The following CAMKMT variants were observed in gnomAD, a reference collection of about 807,000 sequenced individuals.
CAMKMT encodes CaM KMT.
Under a neutral mutation model 48.0 loss-of-function variants are expected in CAMKMT, and 53 were observed. The ratio of observed to expected loss-of-function variants is 1.10; its 90% confidence interval spans 0.89 to 1.39. The LOEUF (loss-of-function observed/expected upper bound fraction) is 1.39, where lower values mean the gene tolerates loss of function less well. Ranked by LOEUF, CAMKMT falls within the 40% of genes most tolerant of loss-of-function variation. CAMKMT has a pLI of 0.00. For synonymous variants in CAMKMT, 165 were observed against 152.3 expected, an observed-to-expected ratio of 1.08 and a Z score of -0.61; for missense variants, 428 against 402.7, an observed-to-expected ratio of 1.06 and a Z score of -0.54.
chr2:44,421,203 C>G (rs1378256873), intron 3 of CAMKMT, among the ~76,000 whole-genome samples: 2 of 152,086 alleles, frequency 1.3e-5, no homozygotes, highest in Non-Finnish European at 2.9e-5. Flanking sequence ...CAATATTCTG[C>G]TATTCATTTA....
chr2:44,544,244 G>T (rs1667275478), intron 3 of CAMKMT, among the ~76,000 whole-genome samples: 1 of 152,062 alleles, frequency 6.6e-6, no homozygotes, highest in African/African-American at 2.4e-5. Context: ...GGACATTTGG[G>T]AAAGTTAGCA....
chr2:44,431,841 G>A (rs1037055448), intron 3 of CAMKMT, among the ~76,000 whole-genome samples: 1 of 152,158 alleles, frequency 6.6e-6, no homozygotes, highest in Non-Finnish European at 1.5e-5. Flanking sequence ...TGGGAAATGG[G>A]GAACTAGTCT....
chr2:44,642,766 A>T (rs1018583931), intron 3 of CAMKMT, among the ~76,000 whole-genome samples: 16 of 152,224 alleles, frequency 1.1e-4, no homozygotes, highest in Admixed American at 2.6e-4. Flanking sequence ...TTCCCAGAGC[A>T]TAAAAAGAAG....
intron 3 of CAMKMT, among the ~76,000 whole-genome samples, chr2:44,523,770 ATTTTTTTTTT>A (rs70937920): frequency 1.1e-5 from 1 of 89,880 alleles, no homozygotes; most frequent in African/African-American, 4.3e-5. Flanking sequence ...GAGAGCGAGC[ATTTTTTTTTT>A]TTTTTTTTTT....
At chr2:44,704,721 ACTTCTG>A (rs1677455829) in intron 4 of CAMKMT, among the ~76,000 whole-genome samples, 1 of 151,768 alleles carries the variant, frequency 6.6e-6, no homozygotes, top group Admixed American at 6.6e-5. Flanking sequence ...CATTCTTTAA[ACTTCTG>A]CTGGGGAAGT....
At chr2:44,709,457 G>A (rs942829258) in intron 6 of CAMKMT, among the ~76,000 whole-genome samples, 1 of 152,018 alleles carries the variant, frequency 6.6e-6, no homozygotes, top group Non-Finnish European at 1.5e-5. Flanking sequence ...GTTGTAACCA[G>A]ATCTAATTTT....
rs1034911271 is a variant in CAMKMT at position 44,540,879 on chromosome 2, A to G, written c.376+150574A>G. On this transcript the variant is annotated intron_variant, in intron 3 of 10. Coordinates refer to ENST00000378494, the MANE Select transcript of CAMKMT (RefSeq NM_024766.5). ...ATATGTGGATCTGTGATCCATTTGA[A>G]GTTTATTCTTATGCATGATGTAAGA... Among the ~76,000 whole-genome samples the G allele has an allele frequency of 2.6e-5, 4 of 152,224 alleles. No homozygotes were observed. In the South Asian group the frequency reaches 8.3e-4, roughly 31 times the overall value.
chr2:44,370,756 A>G (rs1176780909), intron 1 of CAMKMT, among the ~76,000 whole-genome samples: 2 of 152,166 alleles, frequency 1.3e-5, no homozygotes, highest in Non-Finnish European at 2.9e-5. Context: ...ATTTAGCTGC[A>G]TGTCATATGT....
At chr2:44,364,191 C>G (rs969422043) in intron 1 of CAMKMT, among the ~76,000 whole-genome samples, 3 of 152,030 alleles carry the variant, frequency 2.0e-5, no homozygotes, top group African/African-American at 7.3e-5. Flanking sequence ...CACTTATGTT[C>G]ATTCTAAATT....
At chr2:44,369,179 T>TG (rs1678917399) in intron 1 of CAMKMT, among the ~76,000 whole-genome samples, 1 of 152,156 alleles carries the variant, frequency 6.6e-6, no homozygotes, top group Non-Finnish European at 1.5e-5. Flanking sequence ...CCACCATGCC[T>TG]GAACAAGACC....
chr2:44,674,296 A>T (rs190403838), intron 3 of CAMKMT, among the ~76,000 whole-genome samples: 17 of 152,316 alleles, frequency 1.1e-4, no homozygotes, highest in African/African-American at 3.8e-4. Flanking sequence ...TTGCATTTGT[A>T]TTTTGATATT....
At chr2:44,713,888 G>T (rs896687758) in intron 6 of CAMKMT, among the ~76,000 whole-genome samples, 3 of 152,116 alleles carry the variant, frequency 2.0e-5, no homozygotes, top group African/African-American at 7.2e-5. Context: ...CAGGAAATTT[G>T]TTTTTCTGAG....
chr2:44,581,046 A>AG (rs1021295278), intron 3 of CAMKMT, among the ~76,000 whole-genome samples: 3 of 152,134 alleles, frequency 2.0e-5, no homozygotes, highest in African/African-American at 7.2e-5. Flanking sequence ...TTATTATAAA[A>AG]GATAAATGCC....
intron 3 of CAMKMT, among the ~76,000 whole-genome samples, chr2:44,483,796 A>T (rs1212275048): frequency 6.6e-6 from 1 of 152,184 alleles, no homozygotes; most frequent in Admixed American, 6.5e-5. Flanking sequence ...GCATTGTAAA[A>T]TTCTAGCAAA....
intron 3 of CAMKMT, among the ~76,000 whole-genome samples, chr2:44,483,354 T>G (rs1669066484): frequency 6.6e-6 from 1 of 152,194 alleles, no homozygotes; most frequent in Non-Finnish European, 1.5e-5. Context: ...TTACTATTTT[T>G]GAGGTATAGG....
At chr2:44,421,188 G>A (rs1683914249) in intron 3 of CAMKMT, among the ~76,000 whole-genome samples, 1 of 152,054 alleles carries the variant, frequency 6.6e-6, no homozygotes, top group Non-Finnish European at 1.5e-5. Flanking sequence ...CCTCAGAATG[G>A]TTTACAATAT....
chr2:44,440,685 A>T (rs1666598748), intron 3 of CAMKMT, among the ~76,000 whole-genome samples: 1 of 152,170 alleles, frequency 6.6e-6, no homozygotes, highest in African/African-American at 2.4e-5. Context: ...GACAGGAATG[A>T]TATAGAGTAT....
intron 3 of CAMKMT, among the ~76,000 whole-genome samples, chr2:44,415,510 C>T (rs1050924330): frequency 2.6e-5 from 4 of 152,174 alleles, no homozygotes; most frequent in African/African-American, 4.8e-5. Flanking sequence ...AAGATAATCA[C>T]ATGAATAAAT....
Position 44,362,134 on chromosome 2 carries a change from C to T in CAMKMT, c.127C>T (p.Leu43Phe), listed in dbSNP as rs1209517264. The T allele has an allele frequency of 6.8e-7, 1 of 1,478,038 alleles. No homozygotes were observed. The highest frequency in any genetic ancestry group is 8.9e-7 in the Non-Finnish European group (1 of 1,125,820). 91.6% of individuals were successfully genotyped at this position (1,478,038 alleles called of 1,614,324 possible). Reference sequence around the variant, plus strand: ...GCCCCTGGGAGCCGCCCGGTGGAAGCTCCTGCGGCAGGTAAGGGAGAACCT... The same window carrying T: ...GCCCCTGGGAGCCGCCCGGTGGAAGTTCCTGCGGCAGGTAAGGGAGAACCT... Reference protein sequence around the residue: ...SAPLGAARWKLLRQVLKQKHL... With the variant: ...SAPLGAARWKFLRQVLKQKHL... Residue 43 changes from leucine (L) to phenylalanine (F), a missense_variant, in exon 1 of 11, where the codon CTC becomes TTC. Transcript: ENST00000378494.
Sources: allele counts gnomAD v4.1 joint callset (sites outside exome capture counted in the v4.1 genomes callset), GRCh38; gene constraint gnomAD v4.1.1; transcripts MANE v1.5; gene names NCBI Gene and HGNC (gene_info 2026-07-23, HGNC 2026-07-21).